Variants in MMP28 observed in about 807,000 individuals in gnomAD.
MMP28 encodes matrix metalloproteinase-28.
In MMP28, 55 loss-of-function variants were observed where a neutral mutation model predicts 60.5. The observed-to-expected ratio is 0.91, with a 90% confidence interval of 0.73 to 1.14. MMP28 has a LOEUF of 1.14. MMP28 is among the 50% of genes most tolerant of loss of function. The pLI is 0.00. For synonymous variants in MMP28, 318 were observed against 312.5 expected, an observed-to-expected ratio of 1.02 and a Z score of -0.18; for missense variants, 686 against 738.3, an observed-to-expected ratio of 0.93 and a Z score of 0.82.
chr17:35,768,457 TG>T, intron 5 of MMP28, 78 bp from the exon 6 acceptor site: 1 of 1,209,322 alleles, frequency 8.3e-7, no homozygotes, highest in Non-Finnish European at 1.1e-6. Flanking sequence ...GACCTTCCCT[TG>T]GTTACTTTCA....
Position 35,765,961 on chromosome 17 carries a change from T to G in MMP28, c.*539A>C. On this transcript the variant is annotated 3_prime_UTR_variant, in exon 8 of 8. Transcript: ENST00000605424. ...AGGCCTGCATCAGTCTCCCTCCCAC[T>G]CTGTGTCCTGACCCCACAAAGGGCC... 1 of 985,294 alleles carries G rather than the reference T, an allele frequency of 1.0e-6. No homozygotes were observed. 61.0% of individuals were successfully genotyped at this position (985,294 alleles called of 1,614,324 possible).
At chr17:35,791,705 G>C (rs2086819488) in intron 1 of MMP28, among the ~76,000 whole-genome samples, 1 of 152,164 alleles carries the variant, frequency 6.6e-6, no homozygotes, top group Admixed American at 6.5e-5. Context: ...GGGTGTTAAA[G>C]AGTTTTTTCC....
chr17:35,795,361 C>A lies in MMP28; in HGVS notation c.17G>T (p.Gly6Val). 2 of 1,446,666 alleles carry A rather than the reference C, an allele frequency of 1.4e-6. No homozygotes were observed. The highest frequency in any genetic ancestry group is 1.4e-5 in the South Asian group (1 of 72,480). 89.6% of individuals were successfully genotyped at this position (1,446,666 alleles called of 1,614,324 possible). ...CAGCTGCAGGGCGCGCAGCAGGAGG[C>A]CGACGCGCGCGACCATCTCGCCGCC... MVARV[G>V]LLLRALQLLL... is the part of the protein sequence containing the mutation. The change falls in exon 1 of 8, where the codon GGC (glycine) becomes GTC (valine). Residue 6 changes from glycine (G) to valine (V), a missense_variant. Physicochemically the swap from Gly to Val is moderately radical, Grantham distance 109 (BLOSUM62 -3). Coordinates refer to ENST00000605424, the MANE Select transcript of MMP28 (RefSeq NM_024302.5).
intron 3 of MMP28, among the ~76,000 whole-genome samples, chr17:35,778,266 A>C (rs1555608098): frequency 2.6e-5 from 4 of 152,192 alleles, no homozygotes. Flanking sequence ...CCATTGAGAC[A>C]GAAGTGGATT....
intron 3 of MMP28, among the ~76,000 whole-genome samples, chr17:35,775,995 C>G (rs1387470640): frequency 6.6e-6 from 1 of 151,844 alleles, no homozygotes; most frequent in East Asian, 1.9e-4. Flanking sequence ...CTGCCTCAGC[C>G]TCCCAAGTAG....
Position 35,779,862 on chromosome 17 carries a change from TTATAA to T in MMP28, c.112-544_112-540del, listed in dbSNP as rs1434946174. 5.9e-5 allele frequency among the ~76,000 whole-genome samples: 9 copies of T among 152,270 alleles called. No individual in the cohort carries two copies. In the South Asian group the frequency reaches 6.2e-4, roughly 11 times the overall value. The stretch of plus-strand genomic sequence containing the variant: ...GGAGGGACTCCATACAGAGTGGCTA[TTATAA>T]TATGTGTTATGCGTTACGTGCATAT... On this transcript the variant is annotated intron_variant, in intron 1 of 7. Coordinates refer to ENST00000605424, the MANE Select transcript of MMP28 (RefSeq NM_024302.5).
chr17:35,795,479 C>T lies in MMP28; in HGVS notation c.-102G>A. On this transcript the variant is annotated 5_prime_UTR_variant, in exon 1 of 8. Coordinates refer to ENST00000605424, the MANE Select transcript of MMP28 (RefSeq NM_024302.5). ...ACCCCGGGGATGGGACTGCTCTGCGCCGCCCCCGCACGGAGAGGGACTGTC... is the reference window on the plus strand; with the variant it reads ...ACCCCGGGGATGGGACTGCTCTGCGTCGCCCCCGCACGGAGAGGGACTGTC... 1 of 798,030 alleles carries T rather than the reference C, an allele frequency of 1.3e-6. No homozygotes were observed. Among genetic ancestry groups the T allele is most frequent in the Non-Finnish European group, 1.8e-6 (1 of 563,080 alleles). The allele number at this position is 798,030 out of a possible 1,614,324, so 49.4% of individuals were successfully genotyped here.
At chr17:35,777,399 A>G (rs1022808214) in intron 3 of MMP28, among the ~76,000 whole-genome samples, 1 of 152,212 alleles carries the variant, frequency 6.6e-6, no homozygotes, top group African/African-American at 2.4e-5. Flanking sequence ...TTACCAGGAA[A>G]GCAAGCAGTC....
rs563321974 is a variant in MMP28, at chr17:35,770,277, C to T, written c.640G>A (p.Gly214Ser). The change falls in exon 5 of 8, where the codon GGC becomes AGC. Residue 214 changes from glycine to serine, a missense_variant. Gly to Ser is a moderately conservative substitution (Grantham distance 56). Coordinates refer to ENST00000605424, the MANE Select transcript of MMP28 (RefSeq NM_024302.5). Reference protein sequence around the residue: ...ALAHAFLPRRGEAHFDQDERW... With the variant: ...ALAHAFLPRRSEAHFDQDERW... ...TCATCTTGGTCGAAGTGCGCTTCGC[C>T]GCGGCGGGGCAGGAAGGCGTGCGCC... is the stretch of plus-strand genomic sequence containing the variant. 3.9e-6 allele frequency: 6 copies of T among 1,558,250 alleles called. No homozygotes were observed. Among genetic ancestry groups the T allele is most frequent in the Admixed American group, 3.7e-5 (2 of 53,426 alleles).
At position 35,766,951 on chromosome 17, in the gene MMP28, A is replaced by G; in HGVS notation, c.1169-57T>C. Reference sequence around the variant, plus strand: ...GGAGGCTGTCACCCATTGGCCCTCTACCCCACTTCTGTCCCCCATACCTCT... The same window carrying G: ...GGAGGCTGTCACCCATTGGCCCTCTGCCCCACTTCTGTCCCCCATACCTCT... On this transcript the variant is annotated intron_variant, in intron 7 of 7. Coordinates refer to ENST00000605424, the MANE Select transcript of MMP28 (RefSeq NM_024302.5). The surrounding 1 kb of genome is among the most constrained non-coding windows in gnomAD (Gnocchi z 4.3). The G allele has an allele frequency of 1.3e-6, 2 of 1,485,346 alleles. No homozygotes were observed. Among genetic ancestry groups the G allele is most frequent in the Non-Finnish European group, 1.8e-6 (2 of 1,095,480 alleles). 92.0% of individuals were successfully genotyped at this position (1,485,346 alleles called of 1,614,324 possible).
At position 35,779,025 on chromosome 17, in the gene MMP28, G is replaced by A; in HGVS notation, c.242C>T (p.Ala81Val). 1.2e-6 allele frequency: 2 copies of A among 1,614,072 alleles called. No individual in the cohort carries two copies. Among genetic ancestry groups the A allele is most frequent in the Non-Finnish European group, 1.7e-6 (2 of 1,179,904 alleles). The change falls in exon 3 of 8, where the codon GCC (alanine) becomes GTC (valine). Residue 81 changes from alanine to valine, a missense_variant. Transcript: ENST00000605424. Reference sequence around the variant, plus strand: ...GGGACGAGTCATCTGGCGCAGGGTGGCGCGGTCCAACACGCCGCTGACAGG... The same window carrying A: ...GGGACGAGTCATCTGGCGCAGGGTGACGCGGTCCAACACGCCGCTGACAGG... ...QLPVSGVLDR[A>V]TLRQMTRPRC...
At chr17:35,787,485 T>A (rs1354038811) in intron 1 of MMP28, among the ~76,000 whole-genome samples, 1 of 151,552 alleles carries the variant, frequency 6.6e-6, no homozygotes, top group Non-Finnish European at 1.5e-5. Context: ...CAGTTTTTTG[T>A]TTGTTTGTTT....
At chr17:35,764,162 G>C, downstream of MMP28, 1 of 1,548,838 alleles carries the variant, frequency 6.5e-7, no homozygotes, top group Non-Finnish European at 8.7e-7. Flanking sequence ...GCCGCGGGTA[G>C]CGGAGGAGGG....
chr17:35,786,387 T>C lies in MMP28; in HGVS notation c.112-7064A>G, dbSNP rs182726260. Among the ~76,000 whole-genome samples the C allele has an allele frequency of 3.0e-4, 45 of 152,198 alleles. 2 individuals carry two copies. The highest frequency in any genetic ancestry group is 2.8e-3 in the Admixed American group (43 of 15,288). On this transcript the variant is annotated intron_variant, in intron 1 of 7. Coordinates refer to ENST00000605424, the MANE Select transcript of MMP28 (RefSeq NM_024302.5). ...CTCACCTTCTTAGACATCCTCCATA[T>C]CACAGAATTTCAGCAGCAGAAATGA...
intron 4 of MMP28, 57 bp downstream of exon 4, chr17:35,773,123 G>T (rs931916606): frequency 2.6e-6 from 4 of 1,530,386 alleles, no homozygotes; most frequent in Non-Finnish European, 3.6e-6. Flanking sequence ...CCCCCAAACT[G>T]CTTCTCCAAG....
chr17:35,770,376 C>G, intron 4 of MMP28, 64 bp from the exon 5 acceptor site: 1 of 1,441,594 alleles, frequency 6.9e-7, no homozygotes, highest in Non-Finnish European at 9.1e-7. Context: ...ACTCGCGGCC[C>G]AGCGCAAATG....
At chr17:35,779,144 T>C (rs2143436333) in intron 2 of MMP28, 69 bp from the exon 3 acceptor site, 4 of 1,575,452 alleles carry the variant, frequency 2.5e-6, no homozygotes, top group Middle Eastern at 1.9e-4. Flanking sequence ...TCTGCCTCCC[T>C]GGGGTGTAGC....
chr17:35,764,622 C>G, downstream of MMP28: 1 of 1,573,954 alleles, frequency 6.4e-7, no homozygotes, highest in South Asian at 1.2e-5. Context: ...CTCCTGAGCG[C>G]CCCCGCTCCC....
At chr17:35,764,486 C>A, downstream of MMP28, 1 of 1,574,928 alleles carries the variant, frequency 6.3e-7, no homozygotes, top group Non-Finnish European at 8.6e-7. Context: ...CGCCGCGCCG[C>A]GGGGGCTGTG....
Sources: gnomAD v4.1 joint callset for allele counts (sites outside exome capture counted in the v4.1 genomes callset) on GRCh38, gnomAD v4.1.1 for gene constraint, Gnocchi (gnomAD v3.1) non-coding constraint, MANE v1.5 for transcripts, NCBI Gene and HGNC (gene_info 2026-07-23, HGNC 2026-07-21) for gene names.